Variants in ZNF138 observed in about 807,000 individuals in gnomAD.
ZNF138 encodes zinc finger protein 138 (clone pHZ-32).
A neutral mutation model predicts 33.0 loss-of-function variants in ZNF138; 33 were observed. That is an observed-to-expected ratio of 1.00 (90% CI 0.76 to 1.34). The LOEUF (loss-of-function observed/expected upper bound fraction) is 1.34, where lower values mean the gene tolerates loss of function less well. Ranked by LOEUF, ZNF138 falls within the 40% of genes most tolerant of loss-of-function variation. The pLI, the probability that ZNF138 is intolerant of heterozygous loss-of-function variation, is 0.00. For synonymous variants in ZNF138, 139 were observed against 120.4 expected (o/e 1.15, Z -1.01); for missense variants, 360 against 370.8 (o/e 0.97, Z 0.24).
intron 1 of ZNF138, among the ~76,000 whole-genome samples, chr7:64,809,737 CAGACGGGGCGGCCGGGCAG>C (rs1787972870): frequency 1.4e-5 from 2 of 145,226 alleles, no homozygotes; most frequent in African/African-American, 5.1e-5. Flanking sequence ...CCTCACTTCT[CAGACGGGGCGGCCGGGCAG>C]AGATGCTCCT....
chr7:64,802,362 C>CTGGCTCTTAGTTGAT (rs1351964205), intron 1 of ZNF138, among the ~76,000 whole-genome samples: 1 of 152,150 alleles, frequency 6.6e-6, no homozygotes, highest in African/African-American at 2.4e-5. Flanking sequence ...AAAAAGGTGC[C>CTGGCTCTTAGTTGAT]TGGCTCTTAG....
downstream of ZNF138, among the ~76,000 whole-genome samples, chr7:64,838,209 G>A (rs1363725127): frequency 6.6e-6 from 1 of 152,210 alleles, no homozygotes; most frequent in Non-Finnish European, 1.5e-5. Flanking sequence ...TTCGCCATCC[G>A]AGGAGGGGTC....
rs759049690 is a variant in ZNF138, at chr7:64,815,072, TA to T, written c.130+30del. The stretch of plus-strand genomic sequence containing the variant: ...GAGAATAACTTCAGTACACATTTCC[TA>T]ATATATCCTAAAGGTTTCATTTTTT... On this transcript the variant is annotated intron_variant, in intron 2 of 3. Coordinates refer to ENST00000307355, the MANE Select transcript of ZNF138 (RefSeq NM_001271639.2). 1,880 of 1,541,752 alleles carry T rather than the reference TA, an allele frequency of 1.2e-3. 4 individuals are homozygous for T. Among genetic ancestry groups the T allele is most frequent in the Non-Finnish European group, 1.5e-3 (1,736 of 1,149,704 alleles).
chr7:64,815,514 A>G (rs1031537240), intron 2 of ZNF138, 62 bp from the exon 3 acceptor site: 9 of 1,477,038 alleles, frequency 6.1e-6, no homozygotes, highest in Non-Finnish European at 8.4e-6. Context: ...GTAATTGGAG[A>G]ATATGAGCCA....
chr7:64,796,532 G>A (rs77606025), intron 1 of ZNF138, among the ~76,000 whole-genome samples: 2,183 of 152,256 alleles, frequency 0.014, 51 homozygotes, highest in African/African-American at 0.05. Flanking sequence ...GAATGGGCAT[G>A]AAAGAGATGG....
At chr7:64,808,586 T>TCTTTTTTTTTTAATTTTA (rs10624551) in intron 1 of ZNF138, among the ~76,000 whole-genome samples, 1 of 18,996 alleles carries the variant, frequency 5.3e-5, no homozygotes, top group Non-Finnish European at 1.3e-4. Flanking sequence ...TTCTGTTTCT[T>TCTTTTTTTTTTAATTTTA]TTTTTTTTAA....
At chr7:64,847,332 A>ATATTTT in the ZNF138 span, among the ~76,000 whole-genome samples, 1,767 of 128,036 alleles carry the variant, frequency 0.014, 26 homozygotes, top group Non-Finnish European at 0.022. Flanking sequence ...ATATATATAT[A>ATATTTT]TTTTTTTTTT....
chr7:64,818,462 G>C lies in ZNF138; in HGVS notation c.208+2809G>C, dbSNP rs143844405. Among the ~76,000 whole-genome samples the C allele has an allele frequency of 2.6e-4, 40 of 152,104 alleles. 1 individual carries two copies. The highest frequency in any genetic ancestry group is 2.9e-4 in the Non-Finnish European group (20 of 67,982). The stretch of plus-strand genomic sequence containing the variant: ...AAAATTATGTATAGTTTCTTTAAAT[G>C]CTTGTTGAGCCGGATGTGGTGGCTC... On this transcript the variant is annotated intron_variant, in intron 3 of 3. Coordinates refer to ENST00000307355, the MANE Select transcript of ZNF138 (RefSeq NM_001271639.2).
At chr7:64,824,682 G>A (rs1789427552) in intron 3 of ZNF138, among the ~76,000 whole-genome samples, 1 of 152,002 alleles carries the variant, frequency 6.6e-6, no homozygotes, top group African/African-American at 2.4e-5. Context: ...ATAAATTCTT[G>A]ATAAATTTAC....
At position 64,832,865 on chromosome 7, in the gene ZNF138, C is replaced by G; in HGVS notation, c.*663C>G. 2.4e-6 allele frequency: 1 copy of G among 420,664 alleles called. No individual in the cohort carries two copies. Among genetic ancestry groups the G allele is most frequent in the African/African-American group, 2.0e-5 (1 of 49,348 alleles). 26.1% of individuals were successfully genotyped at this position (420,664 alleles called of 1,614,324 possible). ...GTGAAGAATGTGGCATATCTTTTAA[C>G]CAGTTCTCACAACTTGCTATACATA... On this transcript the variant is annotated 3_prime_UTR_variant, in exon 4 of 4. Coordinates refer to ENST00000307355, the MANE Select transcript of ZNF138 (RefSeq NM_001271639.2).
intron 1 of ZNF138, among the ~76,000 whole-genome samples, chr7:64,804,312 C>T (rs182886121): frequency 1.4e-4 from 22 of 152,216 alleles, no homozygotes; most frequent in East Asian, 5.8e-4. Flanking sequence ...TTCTAATTAC[C>T]GGTGCATGCA....
intron 1 of ZNF138, among the ~76,000 whole-genome samples, chr7:64,799,885 C>T (rs972435716): frequency 2.6e-5 from 4 of 151,742 alleles, no homozygotes; most frequent in Non-Finnish European, 5.9e-5. Context: ...AGGTGTTAGG[C>T]GATCCACCCA....
At chr7:64,848,661 C>T in the ZNF138 span, among the ~76,000 whole-genome samples, 1 of 138,320 alleles carries the variant, frequency 7.2e-6, no homozygotes, top group African/African-American at 2.6e-5. Flanking sequence ...TCAGGGATTT[C>T]TTCTTGGTTT....
In ZNF138 at chr7:64,832,285, C is replaced by A; in HGVS notation, c.*83C>A. On this transcript the variant is annotated 3_prime_UTR_variant, in exon 4 of 4. Coordinates refer to ENST00000307355, the MANE Select transcript of ZNF138 (RefSeq NM_001271639.2). ...TGTGGCAAAGCCTTTAACCAGTTTT[C>A]AACCCTTATTACACATAAGATAATT... is the stretch of plus-strand genomic sequence containing the variant. 6.3e-7 allele frequency: 1 copy of A among 1,591,362 alleles called. No individual in the cohort carries two copies. The highest frequency in any genetic ancestry group is 8.5e-7 in the Non-Finnish European group (1 of 1,170,578).
chr7:64,795,850 T>G (rs1443849523), intron 1 of ZNF138, among the ~76,000 whole-genome samples: 2 of 152,180 alleles, frequency 1.3e-5, no homozygotes, highest in Non-Finnish European at 2.9e-5. Context: ...AAATATCCAC[T>G]GTGGCTGTGT....
intron 1 of ZNF138, among the ~76,000 whole-genome samples, chr7:64,810,304 A>T (rs1457249243): frequency 6.7e-6 from 1 of 148,222 alleles, no homozygotes; most frequent in South Asian, 2.2e-4. Flanking sequence ...AAAACCAGTC[A>T]GGCGTGGTGG....
intron 1 of ZNF138, among the ~76,000 whole-genome samples, chr7:64,805,377 C>T (rs113336179): frequency 4.4e-4 from 66 of 148,790 alleles, no homozygotes; most frequent in South Asian, 3.3e-3. Flanking sequence ...CCAGCCTGGG[C>T]GACAGAGCAA....
chr7:64,839,623 C>T, the ZNF138 span, among the ~76,000 whole-genome samples: 3 of 152,158 alleles, frequency 2.0e-5, no homozygotes, highest in East Asian at 1.9e-4. Flanking sequence ...ACTCACCCAG[C>T]GTCTGCCGAA....
intron 1 of ZNF138, among the ~76,000 whole-genome samples, chr7:64,813,320 GA>G (rs1319956684): frequency 1.3e-5 from 2 of 151,496 alleles, no homozygotes; most frequent in Admixed American, 6.6e-5. Context: ...AGAAAGTTCT[GA>G]AAAAAATTAT....
Sources: gnomAD v4.1 joint callset for allele counts (sites outside exome capture counted in the v4.1 genomes callset) on GRCh38, gnomAD v4.1.1 for gene constraint, MANE v1.5 for transcripts, NCBI Gene and HGNC (gene_info 2026-07-23, HGNC 2026-07-21) for gene names.